Variants in RBMS3 observed in about 807,000 individuals in gnomAD.
RBMS3 encodes the protein RNA-binding motif, single-stranded-interacting protein 3.
A neutral mutation model predicts 66.8 loss-of-function variants in RBMS3; 27 were observed. The ratio of observed to expected loss-of-function variants is 0.40; its 90% CI spans 0.30 to 0.56. The LOEUF is 0.56. Among genes scored for constraint, RBMS3 ranks in the 20% least tolerant of loss-of-function variants. The pLI is 0.40. For synonymous variants in RBMS3, 188 were observed against 183.0 expected, an observed-to-expected ratio of 1.03 and a Z score of -0.22; for missense variants, 513 against 549.5, an observed-to-expected ratio of 0.93 and a Z score of 0.66.
rs767071054 is a variant in RBMS3 at position 29,868,978 on chromosome 3, G to C, written c.744+14G>C. On this transcript the variant is annotated intron_variant, in intron 7 of 14. Coordinates refer to ENST00000383767, the MANE Select transcript of RBMS3 (RefSeq NM_001003793.3). ...AGGGAAGGAGAGGTGAGTCCTGACT[G>C]ATAACATTTGCTCTGAAATTTGGCA... is the stretch of plus-strand genomic sequence containing the variant. 73 of 1,563,484 alleles carry C rather than the reference G, an allele frequency of 4.7e-5. No individual in the cohort carries two copies. The highest frequency in any genetic ancestry group is 6.1e-5 in the Non-Finnish European group (70 of 1,153,168).
intron 4 of RBMS3, among the ~76,000 whole-genome samples, chr3:29,662,631 G>T (rs1348820310): frequency 6.6e-6 from 1 of 152,260 alleles, no homozygotes; most frequent in East Asian, 1.9e-4. Flanking sequence ...AAAGTGCTCT[G>T]ATCATACTTA....
chr3:29,711,703 T>G lies in RBMS3; in HGVS notation c.400-28017T>G, dbSNP rs149071504. ...TCAAGGGTCACTTTCTTCCCATGGCTCCATACACATGCTCTAATCTTTGGC... is the reference window on the plus strand; with the variant it reads ...TCAAGGGTCACTTTCTTCCCATGGCGCCATACACATGCTCTAATCTTTGGC... On this transcript the variant is annotated intron_variant, in intron 4 of 14. Coordinates refer to ENST00000383767, the MANE Select transcript of RBMS3 (RefSeq NM_001003793.3). Among the ~76,000 whole-genome samples the G allele has an allele frequency of 1.7e-3, 252 of 152,240 alleles. 2 individuals carry two copies. Among genetic ancestry groups the G allele is most frequent in the African/African-American group, 5.9e-3 (244 of 41,540 alleles).
intron 4 of RBMS3, among the ~76,000 whole-genome samples, chr3:29,652,403 C>A (rs2050178461): frequency 6.6e-6 from 1 of 152,012 alleles, no homozygotes; most frequent in Non-Finnish European, 1.5e-5. Flanking sequence ...GCACGTAGAA[C>A]CTAGATAAAC....
chr3:29,897,526 A>G, intron 9 of RBMS3, 51 bp downstream of exon 9: 1 of 1,524,164 alleles, frequency 6.6e-7, no homozygotes, highest in South Asian at 1.1e-5. Flanking sequence ...GCAGTAATAC[A>G]GTATTTAGAG....
chr3:29,675,421 A>C (rs543867903), intron 4 of RBMS3, among the ~76,000 whole-genome samples: 1 of 152,208 alleles, frequency 6.6e-6, no homozygotes, highest in Admixed American at 6.5e-5. Context: ...GCCAAAATAG[A>C]CAAATGGGAT....
chr3:29,627,835 A>T (rs927077943), intron 4 of RBMS3, among the ~76,000 whole-genome samples: 1 of 152,098 alleles, frequency 6.6e-6, no homozygotes, highest in African/African-American at 2.4e-5. Flanking sequence ...ATAAGTGGTT[A>T]ATCAGCTGAT....
chr3:29,762,321 C>A (rs950001757), intron 5 of RBMS3, among the ~76,000 whole-genome samples: 14 of 103,138 alleles, frequency 1.4e-4, no homozygotes, highest in African/African-American at 6.1e-4. Context: ...ATAAAAATGT[C>A]ATAATGCTGA....
chr3:29,806,497 A>G (rs2057551903), intron 6 of RBMS3, among the ~76,000 whole-genome samples: 1 of 151,964 alleles, frequency 6.6e-6, no homozygotes, highest in South Asian at 2.1e-4. Flanking sequence ...GACCATATCA[A>G]CTGACAGAGT....
chr3:29,717,436 CTCT>C (rs2053444287), intron 4 of RBMS3, among the ~76,000 whole-genome samples: 2 of 152,164 alleles, frequency 1.3e-5, no homozygotes, highest in Middle Eastern at 3.4e-3. Flanking sequence ...ATTCTCCTTT[CTCT>C]TCTTCTGTCC....
At chr3:29,774,500 GC>G (rs1307419617) in intron 6 of RBMS3, among the ~76,000 whole-genome samples, 2 of 151,948 alleles carry the variant, frequency 1.3e-5, no homozygotes, top group African/African-American at 4.8e-5. Flanking sequence ...GTGTACAAAA[GC>G]ACTGAAGAAA....
intron 12 of RBMS3, among the ~76,000 whole-genome samples, chr3:29,949,808 G>A (rs934466019): frequency 6.6e-6 from 1 of 151,052 alleles, no homozygotes; most frequent in Non-Finnish European, 1.5e-5. Context: ...GCAGCAACAG[G>A]GGATCATCAA....
At chr3:29,306,642 A>C (rs970907275) in intron 1 of RBMS3, among the ~76,000 whole-genome samples, 1 of 151,910 alleles carries the variant, frequency 6.6e-6, no homozygotes, top group Non-Finnish European at 1.5e-5. Flanking sequence ...CCAGAACCAG[A>C]ACTATGTCAT....
intron 4 of RBMS3, among the ~76,000 whole-genome samples, chr3:29,613,394 T>G (rs2149137086): frequency 6.6e-6 from 1 of 152,274 alleles, no homozygotes; most frequent in Middle Eastern, 3.4e-3. Flanking sequence ...TGAATGCTTT[T>G]TGATGGACCC....
At chr3:29,804,983 G>A (rs2057502025) in intron 6 of RBMS3, among the ~76,000 whole-genome samples, 1 of 151,404 alleles carries the variant, frequency 6.6e-6, no homozygotes, top group South Asian at 2.1e-4. Flanking sequence ...AATTCCCAGT[G>A]ATATGTACTG....
intron 4 of RBMS3, among the ~76,000 whole-genome samples, chr3:29,623,884 G>A (rs906372421): frequency 6.6e-6 from 1 of 152,152 alleles, no homozygotes; most frequent in Non-Finnish European, 1.5e-5. Context: ...CTTCCCAGTG[G>A]AAGCAAAAGA....
intron 7 of RBMS3, among the ~76,000 whole-genome samples, chr3:29,872,570 G>A (rs1282808402): frequency 1.3e-5 from 2 of 152,196 alleles, no homozygotes; most frequent in Non-Finnish European, 2.9e-5. Context: ...GAAGCCAAGG[G>A]CAAGGCTGAT....
At chr3:29,567,249 A>G (rs1172014925) in intron 3 of RBMS3, among the ~76,000 whole-genome samples, 1 of 152,154 alleles carries the variant, frequency 6.6e-6, no homozygotes, top group East Asian at 1.9e-4. Context: ...TTTTATATTT[A>G]CATCCTGACT....
intron 6 of RBMS3, among the ~76,000 whole-genome samples, chr3:29,831,676 G>GAA (rs1211493215): frequency 6.6e-6 from 1 of 152,006 alleles, no homozygotes; most frequent in Non-Finnish European, 1.5e-5. Context: ...TTTTACCAAA[G>GAA]AAAAGCAGAA....
intron 1 of RBMS3, among the ~76,000 whole-genome samples, chr3:29,291,275 A>G (rs1305541342): frequency 6.6e-6 from 1 of 151,920 alleles, no homozygotes; most frequent in African/African-American, 2.4e-5. Context: ...AAAGCTGGCC[A>G]TATCTTTCAC....
Sources: gnomAD v4.1 joint callset for allele counts (sites outside exome capture counted in the v4.1 genomes callset) on GRCh38, gnomAD v4.1.1 for gene constraint, MANE v1.5 for transcripts, NCBI Gene and HGNC (gene_info 2026-07-23, HGNC 2026-07-21) for gene names.